Variants in CSMD2 observed in about 807,000 individuals in gnomAD.
CSMD2 encodes CUB and Sushi multiple domains 2.
Under a neutral mutation model 398.5 loss-of-function variants are expected in CSMD2, and 130 were observed. The observed-to-expected ratio is 0.33, with a 90% CI of 0.28 to 0.38. The LOEUF is 0.38. CSMD2 is among the 10% of genes least tolerant of loss of function. The pLI, the probability that CSMD2 is intolerant of heterozygous loss-of-function variation, is 1.00. For synonymous variants in CSMD2, 1,828 were observed against 1,908.5 expected (o/e 0.96, Z 1.10); for missense variants, 3,829 against 4,764.9 (o/e 0.80, Z 5.78).
chr1:33,831,076 G>A (rs1181655011), intron 6 of CSMD2, among the ~76,000 whole-genome samples: 2 of 152,132 alleles, frequency 1.3e-5, no homozygotes, highest in Non-Finnish European at 2.9e-5. Flanking sequence ...AACCAAGTTG[G>A]AAAACACCCT....
chr1:33,895,296 C>A lies in CSMD2; in HGVS notation c.920+22798G>T, dbSNP rs549158842. On this transcript the variant is annotated intron_variant, in intron 5 of 70. Transcript: ENST00000373381. ...ACATCTGACCTTAGAGCCCTCTAGGCAAACAGCTTCTCATGATACAGGCAC... is the reference window on the plus strand; with the variant it reads ...ACATCTGACCTTAGAGCCCTCTAGGAAAACAGCTTCTCATGATACAGGCAC... Among the ~76,000 whole-genome samples the A allele has an allele frequency of 6.6e-5, 10 of 152,276 alleles. No individual in the cohort carries two copies. The South Asian group carries it at 1.2e-3, about 19-fold the overall frequency.
intron 9 of CSMD2, among the ~76,000 whole-genome samples, chr1:33,812,777 G>T (rs1259777712): frequency 1.3e-5 from 2 of 152,188 alleles, no homozygotes; most frequent in African/African-American, 4.8e-5. Flanking sequence ...CTGGGATGTG[G>T]TCAATATTCA....
intron 3 of CSMD2, among the ~76,000 whole-genome samples, chr1:33,990,600 G>C (rs1646518939): frequency 1.3e-5 from 2 of 152,188 alleles, no homozygotes; most frequent in South Asian, 2.1e-4. Flanking sequence ...CTATGAAGAG[G>C]AGAATCAGTC....
chr1:33,743,402 A>G lies in CSMD2; in HGVS notation c.2051T>C (p.Val684Ala). 6 of 1,614,160 alleles carry G rather than the reference A, an allele frequency of 3.7e-6. No homozygotes were observed. The highest frequency in any genetic ancestry group is 5.1e-6 in the Non-Finnish European group (6 of 1,180,024). The change falls in exon 14 of 71, where the codon GTC becomes GCC. Residue 684 changes from valine to alanine, a missense_variant. Physicochemically the swap from Val to Ala is moderately conservative, Grantham distance 64. Around this residue, in one of 5 missense-constraint regions of CSMD2, gnomAD observed 2,001 missense variants for 2,567.1 expected, o/e 0.78. Coordinates refer to ENST00000373381, the MANE Select transcript of CSMD2 (RefSeq NM_001281956.2). ...CTGGTTTCCTGAGAAGGTGCCCAGG[A>G]CGGGCGCCTCGGCGGTGGCCCCATC... is the stretch of plus-strand genomic sequence containing the variant. Reference protein sequence around the residue: ...IKDGATAEAPVLGTFSGNQLP... With the variant: ...IKDGATAEAPALGTFSGNQLP...
chr1:33,819,622 G>C, intron 9 of CSMD2, 91 bp downstream of exon 9: 2 of 1,214,972 alleles, frequency 1.6e-6, no homozygotes, highest in South Asian at 2.8e-5. Flanking sequence ...GTCTGCTTGA[G>C]AGCCTGGGCC....
chr1:33,879,452 C>A (rs962473905), intron 5 of CSMD2, among the ~76,000 whole-genome samples: 1 of 152,190 alleles, frequency 6.6e-6, no homozygotes, highest in African/African-American at 2.4e-5. Flanking sequence ...CCTACTCTCC[C>A]AAGGGTTGGG....
chr1:33,655,482 A>C (rs1323545802), intron 27 of CSMD2, among the ~76,000 whole-genome samples: 1 of 152,226 alleles, frequency 6.6e-6, no homozygotes, highest in Non-Finnish European at 1.5e-5. Context: ...GAGGAAATTA[A>C]GGCACAGGGA....
At chr1:33,925,963 C>T (rs890295919) in intron 4 of CSMD2, among the ~76,000 whole-genome samples, 4 of 152,116 alleles carry the variant, frequency 2.6e-5, no homozygotes, top group Non-Finnish European at 5.9e-5. Context: ...CTTTAGGTCC[C>T]GATCCAAGTG....
Position 33,636,735 on chromosome 1 carries a change from G to A in CSMD2, c.4775-181C>T, listed in dbSNP as rs978642136. Among the ~76,000 whole-genome samples, 2 of 152,140 alleles carry A rather than the reference G, an allele frequency of 1.3e-5. No individual in the cohort carries two copies. Among genetic ancestry groups the A allele is most frequent in the Non-Finnish European group, 2.9e-5 (2 of 68,030 alleles). Reference sequence around the variant, plus strand: ...ACGTCTCTAAATTTGGGTAGAAATTGAAGGATGGAAATCACATTGAAGAGG... The same window carrying A: ...ACGTCTCTAAATTTGGGTAGAAATTAAAGGATGGAAATCACATTGAAGAGG... On this transcript the variant is annotated intron_variant, in intron 29 of 70. Transcript: ENST00000373381. The surrounding 1 kb of genome is among the most constrained non-coding windows in gnomAD (Gnocchi z 4.8).
At chr1:33,725,572 T>G in intron 16 of CSMD2, 36 bp from the exon 17 acceptor site, 1 of 1,601,882 alleles carries the variant, frequency 6.2e-7, no homozygotes, top group Non-Finnish European at 8.6e-7. Context: ...TCTTGAGAAA[T>G]CCAAGCTTAT....
chr1:33,985,004 G>A (rs1243254031), intron 3 of CSMD2, among the ~76,000 whole-genome samples: 1 of 152,186 alleles, frequency 6.6e-6, no homozygotes, highest in Non-Finnish European at 1.5e-5. Context: ...ACCTCTCAAA[G>A]AAAACAAGGC....
In CSMD2 at chr1:33,541,308, G is replaced by A. The variant is rs745344632; in HGVS notation, c.9279C>T (p.Val3093=). The part of the protein sequence containing the change: ...TWTGSDPECL[V]INCGDPGIPA... The stretch of plus-strand genomic sequence containing the variant: ...GAATCCCAGGGTCACCACAGTTTAT[G>A]ACTAGGATAAGAGAGATATAGCATT... The change falls in exon 59 of 71, where the codon GTC becomes GTT. Residue 3093 remains valine, a splice_region_variant and synonymous_variant. Coordinates refer to ENST00000373381, the MANE Select transcript of CSMD2 (RefSeq NM_001281956.2). 3.7e-6 allele frequency: 6 copies of A among 1,613,534 alleles called. No homozygotes were observed. Among genetic ancestry groups the A allele is most frequent in the Non-Finnish European group, 4.2e-6 (5 of 1,179,546 alleles).
At chr1:33,784,094 T>C (rs969396835) in intron 12 of CSMD2, among the ~76,000 whole-genome samples, 3 of 152,132 alleles carry the variant, frequency 2.0e-5, no homozygotes, top group Non-Finnish European at 2.9e-5. Flanking sequence ...AAGACTGAAA[T>C]GCAAGTGGAG....
intron 5 of CSMD2, among the ~76,000 whole-genome samples, chr1:33,908,875 G>A (rs1267269730): frequency 1.3e-5 from 2 of 152,212 alleles, no homozygotes; most frequent in Admixed American, 1.3e-4. Flanking sequence ...ATTTTAAAGG[G>A]CTGGTTATTT....
intron 44 of CSMD2, among the ~76,000 whole-genome samples, chr1:33,587,418 G>A (rs1639161273): frequency 6.6e-6 from 1 of 152,164 alleles, no homozygotes; most frequent in Admixed American, 6.5e-5. Context: ...GCACTGAAGG[G>A]TGGGAGAGGA....
At chr1:33,536,910 G>T in intron 62 of CSMD2, 112 bp downstream of exon 62, 1 of 1,025,402 alleles carries the variant, frequency 9.8e-7, no homozygotes. Context: ...CGCTTTCCAA[G>T]CTCTTGTCCT....
chr1:33,554,395 A>T (rs917110135), intron 55 of CSMD2, among the ~76,000 whole-genome samples: 4 of 151,960 alleles, frequency 2.6e-5, no homozygotes, highest in African/African-American at 9.7e-5. Context: ...GGGTTTCACC[A>T]TGTTGGCCAG....
rs1246087238 is a variant in CSMD2 at position 34,163,451 on chromosome 1, C to A, written c.187+1460G>T. On this transcript the variant is annotated intron_variant, in intron 1 of 70. Coordinates refer to ENST00000373381, the MANE Select transcript of CSMD2 (RefSeq NM_001281956.2). The surrounding 1 kb of genome is among the most constrained non-coding windows in gnomAD (Gnocchi z 5.4). ...GCTGGCTCGGGGCGCCCTCCCTGAC[C>A]AAGAACCCCAACATGCCGCGGTTAA... Among the ~76,000 whole-genome samples the A allele has an allele frequency of 2.0e-5, 3 of 152,148 alleles. No homozygotes were observed. The highest frequency in any genetic ancestry group is 7.2e-5 in the African/African-American group (3 of 41,444).
At chr1:33,802,929 T>C (rs1655778837) in intron 10 of CSMD2, among the ~76,000 whole-genome samples, 1 of 152,178 alleles carries the variant, frequency 6.6e-6, no homozygotes, top group Admixed American at 6.5e-5. Context: ...CTATCTTATG[T>C]TCCTTGCCGG....
Sources: gnomAD v4.1 joint callset for allele counts (sites outside exome capture counted in the v4.1 genomes callset) on GRCh38, gnomAD v4.1.1 for gene constraint, gnomAD v4.1.1 regional missense constraint, Gnocchi (gnomAD v3.1) non-coding constraint, MANE v1.5 for transcripts, NCBI Gene and HGNC (gene_info 2026-07-23, HGNC 2026-07-21) for gene names.